Variants in RPS6KC1 observed in about 807,000 individuals in gnomAD.
RPS6KC1 encodes inactive ribosomal protein S6 kinase delta-1.
Under a neutral mutation model 103.8 loss-of-function variants are expected in RPS6KC1, and 54 were observed. That is an observed-to-expected ratio of 0.52 (90% CI 0.42 to 0.65). The LOEUF is 0.65. Among genes scored for constraint, RPS6KC1 ranks in the 30% least tolerant of loss-of-function variants. RPS6KC1 has a pLI of 0.00. For synonymous variants in RPS6KC1, 439 were observed against 438.7 expected, an observed-to-expected ratio of 1.00 and a Z score of -0.01; for missense variants, 1,151 against 1,253.8, an observed-to-expected ratio of 0.92 and a Z score of 1.24.
the RPS6KC1 span, among the ~76,000 whole-genome samples, chr1:213,457,481 G>A: frequency 6.3e-5 from 6 of 95,388 alleles, no homozygotes; most frequent in African/African-American, 1.6e-4. Flanking sequence ...TCCTCTCACT[G>A]AGCAGGGACA....
the RPS6KC1 span, among the ~76,000 whole-genome samples, chr1:213,482,544 T>TTTTTTTTTTTTG: frequency 2.8e-5 from 3 of 105,626 alleles, no homozygotes; most frequent in African/African-American, 4.1e-5. Flanking sequence ...CTTGAGGTTT[T>TTTTTTTTTTTTG]TTTTTTTTTT....
chr1:213,569,261 G>A, the RPS6KC1 span, among the ~76,000 whole-genome samples: 1 of 152,124 alleles, frequency 6.6e-6, no homozygotes, highest in Non-Finnish European at 1.5e-5. Context: ...CTCTCCCTTA[G>A]GTCTGTCATG....
chr1:213,303,323 C>T, the RPS6KC1 span, among the ~76,000 whole-genome samples: 2 of 152,234 alleles, frequency 1.3e-5, no homozygotes, highest in African/African-American at 4.8e-5. Context: ...CTGGTATTCC[C>T]TCCAAGATTC....
chr1:213,363,702 CCT>C, the RPS6KC1 span, among the ~76,000 whole-genome samples: 308 of 58,862 alleles, frequency 5.2e-3, 33 homozygotes, highest in Middle Eastern at 0.039. Flanking sequence ...TTCTTTCTTT[CCT>C]TCTTTCTTTC....
chr1:213,408,176 G>GGCC, the RPS6KC1 span, among the ~76,000 whole-genome samples: 1 of 152,208 alleles, frequency 6.6e-6, no homozygotes, highest in Non-Finnish European at 1.5e-5. Context: ...ATCAGGCTGG[G>GGCC]TGACTTGGCT....
chr1:213,309,100 G>A, the RPS6KC1 span, among the ~76,000 whole-genome samples: 1 of 152,080 alleles, frequency 6.6e-6, no homozygotes, highest in East Asian at 1.9e-4. Flanking sequence ...GACCAGCCTG[G>A]CCAATATGGT....
the RPS6KC1 span, among the ~76,000 whole-genome samples, chr1:213,466,827 ACAGG>A: frequency 6.6e-6 from 1 of 152,094 alleles, no homozygotes; most frequent in Non-Finnish European, 1.5e-5. Context: ...GGTTTTTCTG[ACAGG>A]CAGGTCATTG....
chr1:213,376,084 CTGTGTGTGTGTGTGTGTGTGTG>C, the RPS6KC1 span, among the ~76,000 whole-genome samples: 339 of 140,336 alleles, frequency 2.4e-3, no homozygotes, highest in African/African-American at 8.7e-3. Context: ...CTCGTGACAA[CTGTGTGTGTGTGTGTGTGTGTG>C]TGTGTGTGTG....
chr1:213,361,220 C>T, the RPS6KC1 span, among the ~76,000 whole-genome samples: 2 of 152,240 alleles, frequency 1.3e-5, no homozygotes, highest in Non-Finnish European at 2.9e-5. Context: ...TTGGAGCTTC[C>T]CTGCCACTTT....
At chr1:213,457,014 G>C in the RPS6KC1 span, among the ~76,000 whole-genome samples, 1 of 148,608 alleles carries the variant, frequency 6.7e-6, no homozygotes, top group Non-Finnish European at 1.5e-5. Flanking sequence ...ATCTGGGCTA[G>C]GACTCAAGAA....
intron 12 of RPS6KC1, among the ~76,000 whole-genome samples, chr1:213,261,157 A>G (rs1297127123): frequency 6.6e-6 from 1 of 152,194 alleles, no homozygotes; most frequent in Non-Finnish European, 1.5e-5. Flanking sequence ...ATTGGTTTAG[A>G]TAATTTTTAA....
the RPS6KC1 span, among the ~76,000 whole-genome samples, chr1:213,851,901 C>T: frequency 6.6e-6 from 1 of 152,168 alleles, no homozygotes; most frequent in Non-Finnish European, 1.5e-5. Context: ...TTCTCCTGTG[C>T]TATTCTTCTC....
At chr1:213,310,409 C>T in the RPS6KC1 span, among the ~76,000 whole-genome samples, 1 of 152,282 alleles carries the variant, frequency 6.6e-6, no homozygotes, top group Admixed American at 6.5e-5. Context: ...TCCTCAATTC[C>T]CTTAGCACGC....
intron 5 of RPS6KC1, among the ~76,000 whole-genome samples, chr1:213,119,664 C>T (rs565060339): frequency 2.5e-4 from 38 of 151,488 alleles, no homozygotes; most frequent in African/African-American, 7.0e-4. Context: ...GGTGAAAGAA[C>T]GGTATCTTAG....
chr1:213,240,140 G>A (rs2094317992), intron 10 of RPS6KC1, among the ~76,000 whole-genome samples: 1 of 152,034 alleles, frequency 6.6e-6, no homozygotes, highest in South Asian at 2.1e-4. Flanking sequence ...GTAAGGCTGG[G>A]CATAAAAGGG....
chr1:213,199,618 T>C (rs1284805465), intron 8 of RPS6KC1, among the ~76,000 whole-genome samples: 1 of 152,200 alleles, frequency 6.6e-6, no homozygotes, highest in African/African-American at 2.4e-5. Context: ...GCCACTCTTA[T>C]TCAACATAGT....
At chr1:213,467,579 G>C in the RPS6KC1 span, among the ~76,000 whole-genome samples, 1 of 152,098 alleles carries the variant, frequency 6.6e-6, no homozygotes, top group South Asian at 2.1e-4. Context: ...GATTTGACAC[G>C]TGGTCTTTTG....
the RPS6KC1 span, among the ~76,000 whole-genome samples, chr1:213,862,224 C>A: frequency 6.6e-6 from 1 of 152,168 alleles, no homozygotes; most frequent in African/African-American, 2.4e-5. Flanking sequence ...ACTGCATTAG[C>A]GTGGAAATGA....
At chr1:213,503,317 C>A in the RPS6KC1 span, among the ~76,000 whole-genome samples, 1 of 152,152 alleles carries the variant, frequency 6.6e-6, no homozygotes, top group Non-Finnish European at 1.5e-5. Flanking sequence ...CTTTTCACAG[C>A]AAGCCATGGT....
Sources: allele counts gnomAD v4.1 joint callset (sites outside exome capture counted in the v4.1 genomes callset), GRCh38; gene constraint gnomAD v4.1.1; transcripts MANE v1.5; gene names NCBI Gene and HGNC (gene_info 2026-07-23, HGNC 2026-07-21).